The following MYO9B variants were observed in gnomAD, a reference collection of about 807,000 sequenced individuals.
The protein encoded by MYO9B is myosin IXB, also known as unconventional myosin-IXb.
Under a neutral mutation model 229.5 loss-of-function variants are expected in MYO9B, and 71 were observed. The ratio of observed to expected loss-of-function variants is 0.31; its 90% CI spans 0.26 to 0.38. The LOEUF (loss-of-function observed/expected upper bound fraction) is 0.38. Among genes scored for constraint, MYO9B ranks in the 10% least tolerant of loss-of-function variants. The probability of loss-of-function intolerance (pLI) is 1.00; values close to 1 mark genes in which losing one functional copy is unlikely to be tolerated. For synonymous variants in MYO9B, 1,185 were observed against 1,235.8 expected, an observed-to-expected ratio of 0.96 and a Z score of 0.86; for missense variants, 2,255 against 2,920.5, an observed-to-expected ratio of 0.77 and a Z score of 5.25.
At chr19:17,082,889 G>A (rs577278577) in intron 1 of MYO9B, among the ~76,000 whole-genome samples, 22 of 152,206 alleles carry the variant, frequency 1.4e-4, no homozygotes, top group African/African-American at 4.3e-4. Flanking sequence ...AACCGGGGCA[G>A]GTACGTCCTC....
chr19:17,090,347 C>T (rs1184004365), intron 1 of MYO9B, among the ~76,000 whole-genome samples: 1 of 151,868 alleles, frequency 6.6e-6, no homozygotes, highest in Non-Finnish European at 1.5e-5. Context: ...GACGAGGTTT[C>T]GCCATGTTCC....
intron 16 of MYO9B, 63 bp from the exon 17 acceptor site, chr19:17,184,802 G>A: frequency 6.2e-7 from 1 of 1,605,832 alleles, no homozygotes; most frequent in South Asian, 1.1e-5. Flanking sequence ...GGACACCTGT[G>A]ATGCCTCCCC....
chr19:17,212,589 C>T lies in MYO9B; in HGVS notation c.*279C>T, dbSNP rs913094123. ...ACATCTCCCCACTCCCCTTTTTGTACGTTTAACTGTTTCTTTGTACGTGGT... is the reference window on the plus strand; with the variant it reads ...ACATCTCCCCACTCCCCTTTTTGTATGTTTAACTGTTTCTTTGTACGTGGT... On this transcript the variant is annotated 3_prime_UTR_variant, in exon 40 of 40. Coordinates refer to ENST00000682292, the MANE Select transcript of MYO9B (RefSeq NM_004145.4). This position sits in a 1 kb window ranked among gnomAD's most constrained non-coding sequence, Gnocchi z 5.4. 12 of 426,078 alleles carry T rather than the reference C, an allele frequency of 2.8e-5. No individual in the cohort carries two copies. Among genetic ancestry groups the T allele is most frequent in the African/African-American group, 1.4e-4 (7 of 48,702 alleles). The allele number at this position is 426,078 out of a possible 1,614,324, so 26.4% of individuals were successfully genotyped here.
chr19:17,203,545 G>A (rs1446445640), intron 30 of MYO9B, among the ~76,000 whole-genome samples: 6 of 150,816 alleles, frequency 4.0e-5, no homozygotes, highest in African/African-American at 4.9e-5. Flanking sequence ...CCTGGGAGGC[G>A]AAGGTTGCAG....
chr19:17,123,424 T>TTGTGCGTG (rs1555803700), intron 2 of MYO9B, among the ~76,000 whole-genome samples: 2 of 146,824 alleles, frequency 1.4e-5, no homozygotes, highest in African/African-American at 5.1e-5. Flanking sequence ...CAGTAGAAAT[T>TTGTGCGTG]TGTGTGTGTG....
At chr19:17,081,599 A>G (rs2123431003) in intron 1 of MYO9B, among the ~76,000 whole-genome samples, 1 of 152,090 alleles carries the variant, frequency 6.6e-6, no homozygotes, top group African/African-American at 2.4e-5. Flanking sequence ...ACCTAAGGTC[A>G]GGAGTTTGAG....
chr19:17,125,157 C>A (rs868021379), intron 2 of MYO9B, among the ~76,000 whole-genome samples: 1 of 151,884 alleles, frequency 6.6e-6, no homozygotes, highest in African/African-American at 2.4e-5. Flanking sequence ...AAAACTTAGC[C>A]GGGCGTGGTG....
intron 1 of MYO9B, among the ~76,000 whole-genome samples, chr19:17,100,669 C>T (rs1426691957): frequency 2.0e-5 from 3 of 152,030 alleles, no homozygotes; most frequent in Non-Finnish European, 2.9e-5. Flanking sequence ...CCTTGTTGCC[C>T]GTGACCTTGG....
rs375048155 is a variant in MYO9B, at chr19:17,202,942, C to T, written c.4878+59C>T. The T allele has an allele frequency of 1.9e-5, 30 of 1,559,126 alleles. 1 individual carries two copies. The highest frequency in any genetic ancestry group is 3.3e-4 in the Middle Eastern group (2 of 5,990). On this transcript the variant is annotated intron_variant, in intron 29 of 39. Transcript: ENST00000682292. ...AGGCGAACATTGGCAGGAGCATGCA[C>T]GTGTGTGTCAGTGTCAATGTGCGCA...
chr19:17,151,924 A>T (rs2072481216), intron 3 of MYO9B, among the ~76,000 whole-genome samples: 1 of 152,204 alleles, frequency 6.6e-6, no homozygotes. Context: ...GCAGTGGCTC[A>T]TGCCTATAAT....
At chr19:17,204,889 C>T (rs1050051188) in intron 30 of MYO9B, among the ~76,000 whole-genome samples, 23 of 152,040 alleles carry the variant, frequency 1.5e-4, no homozygotes, top group East Asian at 1.2e-3. Context: ...CAGTGGCTTA[C>T]GCCTCTAATC....
Position 17,200,287 on chromosome 19 carries a change from C to T in MYO9B, c.4239-6C>T, listed in dbSNP as rs747670257. 7 of 1,606,214 alleles carry T rather than the reference C, an allele frequency of 4.4e-6. No homozygotes were observed. Among genetic ancestry groups the T allele is most frequent in the Non-Finnish European group, 5.9e-6 (7 of 1,177,860 alleles). On this transcript the variant is annotated splice_polypyrimidine_tract_variant and splice_region_variant and intron_variant, in intron 24 of 39. Transcript: ENST00000682292. ...CTTAAAAGAAGCCACGTACTTTCTC[C>T]TGCAGATCCACGTTTAAGAGGCTTT...
intron 14 of MYO9B, among the ~76,000 whole-genome samples, chr19:17,177,162 C>T (rs1361279023): frequency 6.6e-6 from 1 of 152,086 alleles, no homozygotes; most frequent in Non-Finnish European, 1.5e-5. Flanking sequence ...GATCGCACCA[C>T]TGCACTCCAG....
At chr19:17,130,105 C>T (rs898422973) in intron 2 of MYO9B, among the ~76,000 whole-genome samples, 1 of 152,020 alleles carries the variant, frequency 6.6e-6, no homozygotes, top group Non-Finnish European at 1.5e-5. Context: ...TAGATGTGAG[C>T]CACCTGCCTG....
At chr19:17,208,163 TAA>T (rs1568303991) in intron 35 of MYO9B, among the ~76,000 whole-genome samples, 1 of 142,656 alleles carries the variant, frequency 7.0e-6, no homozygotes, top group African/African-American at 2.6e-5. Flanking sequence ...AAAGAAAATT[TAA>T]AAAAATAAAA....
Position 17,206,457 on chromosome 19 carries a change from G to T in MYO9B, c.5386+81G>T, listed in dbSNP as rs1414082025. ...TCGCTGTGACCAGCCCAGGAGGCAG[G>T]ACCACCCAGTTCACAAACTGAGAAA... On this transcript the variant is annotated intron_variant, in intron 33 of 39. Coordinates refer to ENST00000682292, the MANE Select transcript of MYO9B (RefSeq NM_004145.4). 1.9e-6 allele frequency: 3 copies of T among 1,538,486 alleles called. No homozygotes were observed. In the South Asian group the frequency reaches 3.7e-5, roughly 19 times the overall value.
chr19:17,136,003 C>A (rs1159541493), intron 2 of MYO9B, among the ~76,000 whole-genome samples: 1 of 152,112 alleles, frequency 6.6e-6, no homozygotes, highest in Non-Finnish European at 1.5e-5. Flanking sequence ...CCCAGGGCCA[C>A]CAACAGGACT....
At chr19:17,084,171 A>G (rs1210343720) in intron 1 of MYO9B, among the ~76,000 whole-genome samples, 3 of 151,966 alleles carry the variant, frequency 2.0e-5, no homozygotes, top group Admixed American at 2.0e-4. Context: ...CCCCGTCTCT[A>G]CAAAAAAGAT....
Position 17,086,252 on chromosome 19 carries a change from C to G in MYO9B, c.-59+10378C>G, listed in dbSNP as rs187634219. On this transcript the variant is annotated intron_variant, in intron 1 of 39. Transcript: ENST00000682292. ...CCTTCCCCATCTCAGCTTCTCTCTC[C>G]CGGCCTCCAGCCTTGGACCCACCGG... Among the ~76,000 whole-genome samples, 267 of 152,292 alleles carry G rather than the reference C, an allele frequency of 1.8e-3. 2 individuals carry two copies. Among genetic ancestry groups the G allele is most frequent in the Non-Finnish European group, 1.4e-3 (92 of 68,026 alleles).
Sources: gnomAD v4.1 joint callset for allele counts (sites outside exome capture counted in the v4.1 genomes callset) on GRCh38, gnomAD v4.1.1 for gene constraint, Gnocchi (gnomAD v3.1) non-coding constraint, MANE v1.5 for transcripts, NCBI Gene and HGNC (gene_info 2026-07-23, HGNC 2026-07-21) for gene names.